SERPINE2: variants seen among roughly 807,000 people sequenced by gnomAD.
SERPINE2 encodes serpin family E member 2.
Under a neutral mutation model 36.3 loss-of-function variants are expected in SERPINE2, and 14 were observed. The observed-to-expected ratio is 0.39, with a 90% CI of 0.25 to 0.60. SERPINE2 has a LOEUF of 0.60. Ranked by LOEUF, SERPINE2 falls within the 20% of genes least tolerant of loss-of-function variation. The pLI, the probability that SERPINE2 is intolerant of heterozygous loss-of-function variation, is 0.57. For missense variants in SERPINE2, 418 were observed against 499.6 expected, an observed-to-expected ratio of 0.84 and a Z score of 1.56; for synonymous variants, 192 against 191.8, an observed-to-expected ratio of 1.00 and a Z score of -0.01.
At chr2:224,038,553 C>A in intron 1 of SERPINE2, 1 of 1,545,338 alleles carries the variant, frequency 6.5e-7, no homozygotes, top group Non-Finnish European at 8.8e-7. Flanking sequence ...CAAAGACCTG[C>A]TCGCTCGGGT....
chr2:224,033,912 C>A lies in SERPINE2; in HGVS notation c.-23+5187G>T, dbSNP rs192445698. 4.3e-4 allele frequency among the ~76,000 whole-genome samples: 66 copies of A among 152,250 alleles called. No homozygotes were observed. The East Asian group carries it at 0.012, about 28-fold the overall frequency. ...CTAAGTAATGTTTTATCTCAAAAGA[C>A]AAGGTTAATCAAAAATTTAAAATGT... On this transcript the variant is annotated intron_variant, in intron 1 of 8. Transcript: ENST00000409304.
chr2:224,029,977 G>A (rs543488456), intron 1 of SERPINE2: 16 of 854,274 alleles, frequency 1.9e-5, no homozygotes, highest in South Asian at 1.1e-4. Context: ...GATTACAGGC[G>A]TGAGCCAGCA....
chr2:224,018,984 T>C (rs557040339), intron 1 of SERPINE2, among the ~76,000 whole-genome samples: 248 of 152,322 alleles, frequency 1.6e-3, no homozygotes, highest in African/African-American at 5.4e-3. Context: ...TGATGACTTC[T>C]CCATGCTCTT....
At chr2:224,009,786 C>G (rs1432775913) in intron 1 of SERPINE2, among the ~76,000 whole-genome samples, 2 of 152,096 alleles carry the variant, frequency 1.3e-5, no homozygotes, top group Non-Finnish European at 2.9e-5. Context: ...ATCGTGCTGT[C>G]CAGCATTCAG....
chr2:223,983,579 CTA>C (rs1275609847), intron 5 of SERPINE2, among the ~76,000 whole-genome samples: 3 of 151,966 alleles, frequency 2.0e-5, no homozygotes, highest in South Asian at 4.2e-4. Flanking sequence ...AAGTATTTTA[CTA>C]TTAAAACAGG....
intron 1 of SERPINE2, among the ~76,000 whole-genome samples, chr2:224,033,661 G>C: frequency 1.4e-5 from 1 of 73,926 alleles, no homozygotes. Flanking sequence ...AAGTTCCATG[G>C]CAAAAAAAAA....
In SERPINE2 at chr2:223,991,854, C is replaced by T. The variant is rs200432767; in HGVS notation, c.634G>A (p.Gly212Arg). 279 of 1,613,260 alleles carry T rather than the reference C, an allele frequency of 1.7e-4. No homozygotes were observed. Among genetic ancestry groups the T allele is most frequent in the Non-Finnish European group, 2.3e-4 (276 of 1,179,848 alleles). The change falls in exon 4 of 9, where the codon GGG becomes AGG. Residue 212 changes from glycine (G) to arginine (R), a missense_variant. Coordinates refer to ENST00000409304, the MANE Select transcript of SERPINE2 (RefSeq NM_001136528.2). Reference protein sequence around the residue: ...TKKRTFVAADGKSYQVPMLAQ... With the variant: ...TKKRTFVAADRKSYQVPMLAQ... ...AGCATTGGCACTTGATAGGATTTCC[C>T]GTCGGCTGCCACGAAAGTGCGTTTC...
chr2:224,021,525 G>C (rs1389046024), intron 1 of SERPINE2, among the ~76,000 whole-genome samples: 1 of 152,324 alleles, frequency 6.6e-6, no homozygotes, highest in Non-Finnish European at 1.5e-5. Flanking sequence ...GACACATTGA[G>C]TTTCAGTCAA....
intron 4 of SERPINE2, among the ~76,000 whole-genome samples, chr2:223,986,396 G>A (rs1298973795): frequency 6.6e-6 from 1 of 152,082 alleles, no homozygotes; most frequent in Non-Finnish European, 1.5e-5. Flanking sequence ...CTTCTGTCTT[G>A]CGGCAACCTA....
At chr2:224,013,135 T>C (rs1691686983) in intron 1 of SERPINE2, among the ~76,000 whole-genome samples, 1 of 152,232 alleles carries the variant, frequency 6.6e-6, no homozygotes, top group South Asian at 2.1e-4. Flanking sequence ...TTTAGCATAG[T>C]ACCTGGTATA....
chr2:223,997,858 T>A (rs1244955260), intron 3 of SERPINE2, among the ~76,000 whole-genome samples: 2 of 152,128 alleles, frequency 1.3e-5, no homozygotes, highest in Non-Finnish European at 2.9e-5. Context: ...AGACCAGATA[T>A]GGCAAGGAGA....
At chr2:224,005,858 T>C (rs956371593) in intron 1 of SERPINE2, among the ~76,000 whole-genome samples, 2 of 152,188 alleles carry the variant, frequency 1.3e-5, no homozygotes, top group East Asian at 1.9e-4. Context: ...TAGGCCATCA[T>C]TGGAGGGAAG....
At chr2:224,003,070 G>A (rs1420168557) in intron 1 of SERPINE2, among the ~76,000 whole-genome samples, 2 of 152,142 alleles carry the variant, frequency 1.3e-5, no homozygotes, top group Non-Finnish European at 2.9e-5. Context: ...CATTAGATAG[G>A]GTGATCAGGG....
At chr2:224,037,188 G>A (rs559919328) in intron 1 of SERPINE2, among the ~76,000 whole-genome samples, 1 of 152,304 alleles carries the variant, frequency 6.6e-6, no homozygotes, top group South Asian at 2.1e-4. Context: ...AAGATTTATT[G>A]GATGACTGGG....
In SERPINE2 at chr2:223,975,703, A is replaced by G. The variant is rs1689981860; in HGVS notation, c.*164T>C. On this transcript the variant is annotated 3_prime_UTR_variant, in exon 9 of 9. Coordinates refer to ENST00000409304, the MANE Select transcript of SERPINE2 (RefSeq NM_001136528.2). ...ATCCTGCTTGTTTTTTCCCTCCAATACCTCCCAGAACAGAAACACTTGCAT... is the reference window on the plus strand; with the variant it reads ...ATCCTGCTTGTTTTTTCCCTCCAATGCCTCCCAGAACAGAAACACTTGCAT... The G allele has an allele frequency of 5.6e-6, 3 of 539,216 alleles. No individual in the cohort carries two copies. The highest frequency in any genetic ancestry group is 9.9e-6 in the Non-Finnish European group (3 of 304,128). The allele number at this position is 539,216 out of a possible 1,614,324, so 33.4% of individuals were successfully genotyped here. A position where few individuals can be genotyped will look rare whatever the true frequency, so the allele number is the denominator to read the frequency against.
chr2:224,008,360 C>T (rs1331313011), intron 1 of SERPINE2, among the ~76,000 whole-genome samples: 1 of 152,174 alleles, frequency 6.6e-6, no homozygotes, highest in Non-Finnish European at 1.5e-5. Context: ...TACTTGGTTG[C>T]CCTGAGGTTT....
intron 1 of SERPINE2, among the ~76,000 whole-genome samples, chr2:224,003,656 G>A (rs1574831697): frequency 6.6e-6 from 1 of 152,280 alleles, no homozygotes; most frequent in Non-Finnish European, 1.5e-5. Context: ...TAAGAGGTAG[G>A]AAATTTACAT....
At position 224,015,875 on chromosome 2, in the gene SERPINE2, C is replaced by T. The variant is rs1216749545; in HGVS notation, c.-22-13953G>A. Among the ~76,000 whole-genome samples the T allele has an allele frequency of 2.0e-5, 3 of 152,138 alleles. No individual in the cohort carries two copies. In the East Asian group the frequency reaches 5.8e-4, roughly 29 times the overall value. On this transcript the variant is annotated intron_variant, in intron 1 of 8. Coordinates refer to ENST00000409304, the MANE Select transcript of SERPINE2 (RefSeq NM_001136528.2). ...TGAAGAGACTAGGAGAAAATATTCT[C>T]CAATCACGTATCTGTCAAGGGACTA...
chr2:224,010,394 G>A, intron 1 of SERPINE2: 15 of 983,296 alleles, frequency 1.5e-5, no homozygotes, highest in African/African-American at 1.7e-5. Flanking sequence ...TCCCTTCAAT[G>A]AAAAGACACA....
Sources: allele counts gnomAD v4.1 joint callset (sites outside exome capture counted in the v4.1 genomes callset), GRCh38; gene constraint gnomAD v4.1.1; transcripts MANE v1.5; gene names NCBI Gene and HGNC (gene_info 2026-07-23, HGNC 2026-07-21).